The following ANGPT2 variants were observed in gnomAD, a reference collection of about 807,000 sequenced individuals.
ANGPT2 encodes the protein angiopoietin-2.
ANGPT2 carries 28 observed loss-of-function variants against 62.9 expected under a neutral mutation model. The observed-to-expected ratio is 0.44, with a 90% CI of 0.33 to 0.61. The LOEUF (loss-of-function observed/expected upper bound fraction) is 0.61. Ranked by LOEUF, ANGPT2 falls within the 20% of genes least tolerant of loss-of-function variation. ANGPT2 has a pLI of 0.03. For synonymous variants in ANGPT2, 284 were observed against 207.8 expected (o/e 1.37, Z -3.15); for missense variants, 727 against 594.9 (o/e 1.22, Z -2.31).
chr8:6,511,902 T>C (rs958062352), intron 7 of ANGPT2, among the ~76,000 whole-genome samples: 5 of 149,248 alleles, frequency 3.4e-5, no homozygotes, highest in Non-Finnish European at 6.0e-5. Context: ...TGTGCTTCTT[T>C]TTTTTTTTTT....
At chr8:6,545,407 T>C (rs563007973) in intron 1 of ANGPT2, among the ~76,000 whole-genome samples, 3 of 152,352 alleles carry the variant, frequency 2.0e-5, no homozygotes, top group Admixed American at 2.0e-4. Flanking sequence ...TTTGACAAGT[T>C]TTGTTGTGAC....
chr8:6,533,481 T>C (rs1819914120), intron 1 of ANGPT2, among the ~76,000 whole-genome samples: 2 of 152,050 alleles, frequency 1.3e-5, no homozygotes, highest in South Asian at 4.1e-4. Context: ...GGGTTTCTGG[T>C]TGGTCAGAGG....
intron 3 of ANGPT2, among the ~76,000 whole-genome samples, chr8:6,521,997 C>T (rs112305762): frequency 2.6e-4 from 40 of 152,330 alleles, no homozygotes; most frequent in Middle Eastern, 3.4e-3. Context: ...TTAATGTCCT[C>T]ACCTGTTAAT....
intron 3 of ANGPT2, among the ~76,000 whole-genome samples, chr8:6,523,537 C>T (rs1234372671): frequency 6.6e-6 from 1 of 152,070 alleles, no homozygotes; most frequent in African/African-American, 2.4e-5. Flanking sequence ...AACTGTTTCC[C>T]AGGAACAAAC....
chr8:6,520,404 T>C (rs919389380), intron 4 of ANGPT2, among the ~76,000 whole-genome samples: 16 of 152,270 alleles, frequency 1.1e-4, no homozygotes, highest in Admixed American at 8.5e-4. Flanking sequence ...CATGACCCCA[T>C]TGCCTGCCCC....
chr8:6,538,426 C>T (rs550526525), intron 1 of ANGPT2, among the ~76,000 whole-genome samples: 6 of 152,262 alleles, frequency 3.9e-5, no homozygotes, highest in Admixed American at 6.5e-5. Flanking sequence ...AGCTGGTGAC[C>T]GCAGCTCACT....
intron 1 of ANGPT2, among the ~76,000 whole-genome samples, chr8:6,550,028 T>C (rs1823345698): frequency 6.6e-6 from 1 of 152,220 alleles, no homozygotes; most frequent in African/African-American, 2.4e-5. Context: ...GGGGACGTGC[T>C]GTGAATGGAA....
intron 3 of ANGPT2, among the ~76,000 whole-genome samples, chr8:6,523,296 A>C (rs905555308): frequency 6.6e-6 from 1 of 151,244 alleles, no homozygotes; most frequent in African/African-American, 2.4e-5. Flanking sequence ...CACGCCTGGC[A>C]GAAAAGCTTT....
chr8:6,523,170 T>C (rs959873392), intron 3 of ANGPT2, among the ~76,000 whole-genome samples: 2 of 152,086 alleles, frequency 1.3e-5, no homozygotes, highest in Non-Finnish European at 2.9e-5. Flanking sequence ...GCTAACTTTT[T>C]GTATTTTTAG....
Position 6,527,796 on chromosome 8 carries a change from C to T in ANGPT2, c.445-120G>A, listed in dbSNP as rs941241850. The T allele has an allele frequency of 1.1e-5, 10 of 947,100 alleles. No individual in the cohort carries two copies. In the South Asian group the frequency reaches 1.9e-4, roughly 18 times the overall value. 58.7% of individuals were successfully genotyped at this position (947,100 alleles called of 1,614,324 possible). On this transcript the variant is annotated intron_variant, in intron 2 of 8. Transcript: ENST00000629816. ...CATAACAAAAACATTATTTATTAACCCAAGTATCTTATTTTGGCATATTTT... is the reference window on the plus strand; with the variant it reads ...CATAACAAAAACATTATTTATTAACTCAAGTATCTTATTTTGGCATATTTT...
At chr8:6,511,331 T>C (rs1237561297) in intron 7 of ANGPT2, among the ~76,000 whole-genome samples, 1 of 152,168 alleles carries the variant, frequency 6.6e-6, no homozygotes, top group Non-Finnish European at 1.5e-5. Flanking sequence ...GGGATGATTT[T>C]ATATAACAGT....
chr8:6,550,195 C>G (rs1823381240), intron 1 of ANGPT2, among the ~76,000 whole-genome samples: 2 of 152,242 alleles, frequency 1.3e-5, no homozygotes, highest in Non-Finnish European at 1.5e-5. Context: ...GGCTCCATCT[C>G]CAGATGTTAC....
At chr8:6,542,314 C>CTGTG (rs373716411) in intron 1 of ANGPT2, among the ~76,000 whole-genome samples, 2 of 150,680 alleles carry the variant, frequency 1.3e-5, no homozygotes, top group South Asian at 2.1e-4. Flanking sequence ...GTGTGTGTAT[C>CTGTG]TGTGTGTGTG....
At chr8:6,528,341 G>C (rs2515465) in intron 2 of ANGPT2, among the ~76,000 whole-genome samples, 118,311 of 152,168 alleles carry the variant, frequency 0.78, 46,319 homozygotes, top group East Asian at 0.91. Context: ...TTTCATAGGT[G>C]GAAAGTATTT....
chr8:6,525,082 C>A (rs1345259034), intron 3 of ANGPT2, among the ~76,000 whole-genome samples: 3 of 152,230 alleles, frequency 2.0e-5, no homozygotes, highest in African/African-American at 4.8e-5. Context: ...GGTAAATCCA[C>A]CTTTTTTTGA....
chr8:6,562,846 C>A lies in ANGPT2; in HGVS notation c.89G>T (p.Gly30Val), dbSNP rs767741751. ...NNFRKSMDSI[G>V]KKQYQVQHGS... ...ATGCTGGACCTGATATTGCTTCTTT[C>A]CTATGCTGTCCATGCTCTTCCGAAA... The change falls in exon 1 of 9, where the codon GGA becomes GTA. Residue 30 changes from glycine (G) to valine (V), a missense_variant. Coordinates refer to ENST00000629816, the MANE Select transcript of ANGPT2 (RefSeq NM_001118887.2). 1 of 1,613,834 alleles carries A rather than the reference C, an allele frequency of 6.2e-7. No individual in the cohort carries two copies. The highest frequency in any genetic ancestry group is 8.5e-7 in the Non-Finnish European group (1 of 1,179,934).
intron 3 of ANGPT2, among the ~76,000 whole-genome samples, chr8:6,522,737 G>C (rs1189493820): frequency 6.6e-6 from 1 of 151,132 alleles, no homozygotes; most frequent in African/African-American, 2.4e-5. Flanking sequence ...TTATGCCATT[G>C]CACTCCAGCC....
intron 3 of ANGPT2, 136 bp from the exon 4 acceptor site, chr8:6,521,546 C>G (rs1242887593): frequency 6.0e-6 from 4 of 661,368 alleles, no homozygotes; most frequent in Non-Finnish European, 9.9e-6. Flanking sequence ...TACCAGAGCC[C>G]TAAGGAATCT....
chr8:6,506,227 C>A (rs1233130650), intron 8 of ANGPT2, among the ~76,000 whole-genome samples: 2 of 151,588 alleles, frequency 1.3e-5, no homozygotes, highest in East Asian at 3.9e-4. Flanking sequence ...TAGGTCAGTG[C>A]CTTCTGGAGC....
Sources: gnomAD v4.1 joint callset for allele counts (sites outside exome capture counted in the v4.1 genomes callset) on GRCh38, gnomAD v4.1.1 for gene constraint, MANE v1.5 for transcripts, NCBI Gene and HGNC (gene_info 2026-07-23, HGNC 2026-07-21) for gene names.